The following CHEK1 variants were observed in gnomAD, a reference collection of about 807,000 sequenced individuals.
CHEK1 encodes serine/threonine-protein kinase Chk1.
Under a neutral mutation model 60.2 loss-of-function variants are expected in CHEK1, and 32 were observed. The observed-to-expected ratio is 0.53, with a 90% CI of 0.40 to 0.71. CHEK1 has a LOEUF of 0.71. Among genes scored for constraint, CHEK1 ranks in the 30% least tolerant of loss-of-function variants. CHEK1 has a pLI of 0.00. For synonymous variants in CHEK1, 179 were observed against 187.2 expected (o/e 0.96, Z 0.36); for missense variants, 399 against 564.6 (o/e 0.71, Z 2.97).
chr11:125,635,325 T>G, intron 6 of CHEK1, 104 bp from the exon 7 acceptor site: 1 of 690,502 alleles, frequency 1.4e-6, no homozygotes, highest in Admixed American at 3.4e-5. Flanking sequence ...AAAACCATAT[T>G]GAATTAATTC....
At chr11:125,676,329 C>T, downstream of CHEK1, 1 of 1,612,988 alleles carries the variant, frequency 6.2e-7, no homozygotes, top group Non-Finnish European at 8.5e-7. Context: ...TGTTCTCAGG[C>T]AGAAATTGCC....
chr11:125,656,309 C>T lies in CHEK1; in HGVS notation c.*989C>T. 1 of 211,714 alleles carries T rather than the reference C, an allele frequency of 4.7e-6. No homozygotes were observed. The highest frequency in any genetic ancestry group is 9.6e-6 in the Non-Finnish European group (1 of 104,434). The allele number at this position is 211,714 out of a possible 1,614,324, so 13.1% of individuals were successfully genotyped here. A position where few individuals can be genotyped will look rare whatever the true frequency, so the allele number is the denominator to read the frequency against. On this transcript the variant is annotated 3_prime_UTR_variant, in exon 13 of 13. Coordinates refer to ENST00000438015, the MANE Select transcript of CHEK1 (RefSeq NM_001114122.3). ...GAGGCTGTAGTGAGCTATGATTGCA[C>T]CAGTGCACTCCAGCTTGGATGACAG... is the stretch of plus-strand genomic sequence containing the variant.
chr11:125,661,721 T>A (rs1179807997), downstream of CHEK1, among the ~76,000 whole-genome samples: 1 of 152,188 alleles, frequency 6.6e-6, no homozygotes, highest in Non-Finnish European at 1.5e-5. Flanking sequence ...TGCATACTTG[T>A]TATAGTCTGA....
At chr11:125,634,178 A>G (rs1307974192) in intron 6 of CHEK1, among the ~76,000 whole-genome samples, 1 of 151,920 alleles carries the variant, frequency 6.6e-6, no homozygotes, top group Non-Finnish European at 1.5e-5. Context: ...TATTTTGAGT[A>G]GAGACAGGGT....
At position 125,637,507 on chromosome 11, in the gene CHEK1, CA is replaced by C. The variant is rs2136004084; in HGVS notation, c.783del (p.Asp262IlefsTer42). 6.2e-7 allele frequency: 1 copy of C among 1,608,876 alleles called. No individual in the cohort carries two copies. ...PSARITIPDI[K>X]KDRWYNKPLK... ...CAGCAAGAATTACCATTCCAGACAT[CA>C]AAAAAGATAGATGGTACAACAAACC... On this transcript the variant is annotated frameshift_variant, in exon 8 of 13. Transcript: ENST00000438015. LOFTEE classifies it high-confidence loss of function.
intron 7 of CHEK1, 74 bp from the exon 8 acceptor site, chr11:125,637,375 G>C: frequency 8.8e-7 from 1 of 1,131,758 alleles, no homozygotes; most frequent in Non-Finnish European, 1.3e-6. Context: ...AACAGAAAAT[G>C]TGTTTCTTAC....
At position 125,644,165 on chromosome 11, in the gene CHEK1, C is replaced by T. The variant is rs764958538; in HGVS notation, c.998C>T (p.Ser333Leu). ...TGLSLWDTSPSYIDKLVQGIS... is the reference protein window; with the variant it reads ...TGLSLWDTSPLYIDKLVQGIS... The stretch of plus-strand genomic sequence containing the variant: ...CTTTCCTTATGGGATACCAGCCCCT[C>T]ATACATTGATAAATTGGTACAAGGG... Residue 333 changes from serine to leucine, a missense_variant, in exon 10 of 13, where the codon TCA (serine) becomes TTA (leucine). Coordinates refer to ENST00000438015, the MANE Select transcript of CHEK1 (RefSeq NM_001114122.3). 2 of 1,614,154 alleles carry T rather than the reference C, an allele frequency of 1.2e-6. No homozygotes were observed. Among genetic ancestry groups the T allele is most frequent in the Non-Finnish European group, 1.7e-6 (2 of 1,180,012 alleles).
At chr11:125,652,397 G>A (rs1941769334) in intron 11 of CHEK1, among the ~76,000 whole-genome samples, 1 of 152,134 alleles carries the variant, frequency 6.6e-6, no homozygotes, top group South Asian at 2.1e-4. Flanking sequence ...TCTTCTAATT[G>A]CCGCTCTAGC....
intron 6 of CHEK1, among the ~76,000 whole-genome samples, chr11:125,633,594 C>A (rs1940949919): frequency 6.6e-6 from 1 of 152,088 alleles, no homozygotes; most frequent in African/African-American, 2.4e-5. Context: ...ACCAGTGGTG[C>A]CTGCCACAAG....
chr11:125,635,376 G>T, intron 6 of CHEK1, 53 bp from the exon 7 acceptor site: 1 of 1,091,622 alleles, frequency 9.2e-7, no homozygotes. Context: ...ATTTTTCCTT[G>T]AAATCTTTAT....
In CHEK1 at chr11:125,625,731, A is replaced by G; in HGVS notation, c.-302A>G. On this transcript the variant is annotated 5_prime_UTR_variant, in exon 1 of 13. Coordinates refer to ENST00000438015, the MANE Select transcript of CHEK1 (RefSeq NM_001114122.3). ...CGAGCCTCACACCGGATGCCACTTC[A>G]TATTTGGGCCCAGAGCTCAATTCGC... 1 of 665,408 alleles carries G rather than the reference A, an allele frequency of 1.5e-6. No homozygotes were observed. The highest frequency in any genetic ancestry group is 2.8e-6 in the Non-Finnish European group (1 of 360,720). 41.2% of individuals were successfully genotyped at this position (665,408 alleles called of 1,614,324 possible). A position where few individuals can be genotyped will look rare whatever the true frequency, so the allele number is the denominator to read the frequency against.
intron 5 of CHEK1, among the ~76,000 whole-genome samples, chr11:125,632,294 A>G (rs1161821544): frequency 6.6e-6 from 1 of 152,176 alleles, no homozygotes; most frequent in Non-Finnish European, 1.5e-5. Context: ...GATTATTTCT[A>G]TGGATATAGA....
chr11:125,659,562 CTTTT>C (rs1369752723), downstream of CHEK1, among the ~76,000 whole-genome samples: 1 of 151,840 alleles, frequency 6.6e-6, no homozygotes, highest in African/African-American at 2.4e-5. Flanking sequence ...ATTGTTATGA[CTTTT>C]TTCTATATTT....
intron 7 of CHEK1, 110 bp from the exon 8 acceptor site, chr11:125,637,339 G>C (rs113834209): frequency 1.2e-5 from 8 of 692,512 alleles, no homozygotes; most frequent in Non-Finnish European, 1.8e-5. Context: ...TCTTCCCCAG[G>C]AATAATATTT....
intron 7 of CHEK1, chr11:125,635,879 G>A (rs1225136457): frequency 6.1e-6 from 1 of 164,268 alleles, no homozygotes; most frequent in Admixed American, 6.3e-5. Context: ...TGTTTCATTA[G>A]GTGGTTTCAT....
Position 125,644,606 on chromosome 11 carries a change from A to G in CHEK1, c.1196A>G (p.Lys399Arg). 6.2e-7 allele frequency: 1 copy of G among 1,614,174 alleles called. No homozygotes were observed. Among genetic ancestry groups the G allele is most frequent in the Non-Finnish European group, 8.5e-7 (1 of 1,180,022 alleles). Residue 399 changes from lysine to arginine, a missense_variant, in exon 11 of 13, where the codon AAG becomes AGG. Physicochemically the swap from Lys to Arg is conservative, Grantham distance 26. Transcript: ENST00000438015. Reference sequence around the variant, plus strand: ...CAATGCCTGAAAGAGACTTGTGAGAAGTTGGGCTATCAATGGAAGAAAAGT... The same window carrying G: ...CAATGCCTGAAAGAGACTTGTGAGAGGTTGGGCTATCAATGGAAGAAAAGT... ...SYQCLKETCEKLGYQWKKSCM... is the reference protein window; with the variant it reads ...SYQCLKETCERLGYQWKKSCM...
chr11:125,651,432 C>T (rs974990668), intron 11 of CHEK1, among the ~76,000 whole-genome samples: 5 of 151,954 alleles, frequency 3.3e-5, no homozygotes, highest in African/African-American at 4.8e-5. Context: ...GGATTACAGG[C>T]GCCTGCCACC....
intron 13 of CHEK1, among the ~76,000 whole-genome samples, chr11:125,670,015 C>G (rs947076081): frequency 2.6e-5 from 4 of 152,180 alleles, no homozygotes; most frequent in African/African-American, 4.8e-5. Flanking sequence ...CCACAGTTCA[C>G]TGAAGCTTTA....
intron 11 of CHEK1, among the ~76,000 whole-genome samples, chr11:125,646,709 T>G (rs1435924100): frequency 6.6e-6 from 1 of 152,190 alleles, no homozygotes; most frequent in Non-Finnish European, 1.5e-5. Context: ...GATTTTCATC[T>G]CTCTAAAGAC....
Sources: allele counts gnomAD v4.1 joint callset (sites outside exome capture counted in the v4.1 genomes callset), GRCh38; gene constraint gnomAD v4.1.1; transcripts MANE v1.5; gene names NCBI Gene and HGNC (gene_info 2026-07-23, HGNC 2026-07-21).